The following CNTN3 variants were observed in gnomAD, a reference collection of about 807,000 sequenced individuals.
The protein encoded by CNTN3 is contactin-3.
CNTN3 carries 60 observed loss-of-function variants against 119.1 expected under a neutral mutation model. The ratio of observed to expected loss-of-function variants is 0.50; its 90% CI spans 0.41 to 0.62. CNTN3 has a LOEUF of 0.62. CNTN3 is among the 20% of genes least tolerant of loss of function. The pLI, the probability that CNTN3 is intolerant of heterozygous loss-of-function variation, is 0.00. For missense variants in CNTN3, 1,101 were observed against 1,242.4 expected, an observed-to-expected ratio of 0.89 and a Z score of 1.71; for synonymous variants, 450 against 438.7, an observed-to-expected ratio of 1.03 and a Z score of -0.32.
intron 10 of CNTN3, among the ~76,000 whole-genome samples, chr3:74,362,331 G>A (rs1008309676): frequency 3.3e-5 from 5 of 152,262 alleles, no homozygotes; most frequent in South Asian, 2.1e-4. Context: ...GGTATAGAAC[G>A]TTTTTAAATG....
intron 13 of CNTN3, among the ~76,000 whole-genome samples, chr3:74,331,012 A>C (rs936035877): frequency 1.3e-5 from 2 of 152,214 alleles, no homozygotes; most frequent in Non-Finnish European, 2.9e-5. Flanking sequence ...AGTTATGGTA[A>C]GCTACGGTTA....
intron 4 of CNTN3, among the ~76,000 whole-genome samples, chr3:74,436,309 G>T (rs140730778): frequency 7.2e-4 from 110 of 152,256 alleles, no homozygotes; most frequent in Admixed American, 2.6e-3. Flanking sequence ...AGGTCTGTCT[G>T]CTCAGTAAGG....
At chr3:74,458,382 G>T (rs1702306773) in intron 4 of CNTN3, among the ~76,000 whole-genome samples, 2 of 152,108 alleles carry the variant, frequency 1.3e-5, no homozygotes, top group African/African-American at 4.8e-5. Flanking sequence ...GCTAAAAATG[G>T]CTTGTATATT....
chr3:74,422,365 T>A (rs1382672407), intron 5 of CNTN3, among the ~76,000 whole-genome samples: 1 of 152,212 alleles, frequency 6.6e-6, no homozygotes, highest in Non-Finnish European at 1.5e-5. Flanking sequence ...GGAAGATTTC[T>A]TCCCGTCTTC....
chr3:74,515,953 A>C (rs1204853637), intron 2 of CNTN3, among the ~76,000 whole-genome samples: 1 of 151,890 alleles, frequency 6.6e-6, no homozygotes, highest in Non-Finnish European at 1.5e-5. Flanking sequence ...GTGCACACAC[A>C]CATCTATCTC....
chr3:74,487,669 G>A (rs1480195732), intron 3 of CNTN3, among the ~76,000 whole-genome samples: 4 of 151,920 alleles, frequency 2.6e-5, no homozygotes, highest in African/African-American at 9.7e-5. Flanking sequence ...TGATGTTATG[G>A]GCCATCTAAA....
intron 2 of CNTN3, among the ~76,000 whole-genome samples, chr3:74,516,605 G>A (rs1293594186): frequency 1.3e-5 from 2 of 150,534 alleles, no homozygotes; most frequent in Non-Finnish European, 2.9e-5. Context: ...AGTTTTGGGG[G>A]AGTTAAAAGT....
chr3:74,405,356 G>T (rs1559585390), intron 5 of CNTN3, among the ~76,000 whole-genome samples: 1 of 151,780 alleles, frequency 6.6e-6, no homozygotes, highest in Non-Finnish European at 1.5e-5. Context: ...CACATACATG[G>T]ATCAATTTTT....
intron 11 of CNTN3, among the ~76,000 whole-genome samples, chr3:74,360,112 G>A (rs1460531712): frequency 1.3e-5 from 2 of 152,142 alleles, no homozygotes; most frequent in South Asian, 2.1e-4. Flanking sequence ...AAATACTGGA[G>A]GAACTGCAGA....
intron 13 of CNTN3, among the ~76,000 whole-genome samples, chr3:74,314,317 C>A (rs934408467): frequency 3.3e-5 from 5 of 152,130 alleles, no homozygotes; most frequent in African/African-American, 9.7e-5. Context: ...ATCTCAATTA[C>A]TACTTGAATA....
chr3:74,281,450 T>C (rs2106773909), intron 20 of CNTN3, among the ~76,000 whole-genome samples: 1 of 152,220 alleles, frequency 6.6e-6, no homozygotes, highest in Admixed American at 6.5e-5. Context: ...TCCTCCCACC[T>C]CAGCCTCCTG....
intron 1 of CNTN3, among the ~76,000 whole-genome samples, chr3:74,525,445 C>G (rs1213839441): frequency 6.6e-6 from 1 of 151,682 alleles, no homozygotes; most frequent in Non-Finnish European, 1.5e-5. Context: ...TCAGCATTGC[C>G]ATGTATCATC....
At chr3:74,535,547 C>A (rs1002644767) in intron 1 of CNTN3, among the ~76,000 whole-genome samples, 1 of 152,016 alleles carries the variant, frequency 6.6e-6, no homozygotes, top group African/African-American at 2.4e-5. Flanking sequence ...GTCTGATAGG[C>A]CAGATACAAA....
Position 74,486,441 on chromosome 3 carries a change from T to C in CNTN3, c.358+15A>G. The C allele has an allele frequency of 2.5e-6, 4 of 1,575,398 alleles. No individual in the cohort carries two copies. Among genetic ancestry groups the C allele is most frequent in the Non-Finnish European group, 3.4e-6 (4 of 1,169,104 alleles). On this transcript the variant is annotated intron_variant, in intron 4 of 22. Coordinates refer to ENST00000263665, the MANE Select transcript of CNTN3 (RefSeq NM_020872.3). ...TCTAATGTTGGATTTGCTAGACATG[T>C]GAACATAAACTTACAGGCAAACTGA...
intron 4 of CNTN3, among the ~76,000 whole-genome samples, chr3:74,453,538 T>A (rs1327733823): frequency 1.3e-5 from 2 of 152,130 alleles, no homozygotes; most frequent in Non-Finnish European, 2.9e-5. Context: ...TCATCTTAGT[T>A]ATTTCTTGCC....
chr3:74,334,015 G>A (rs1325958490), intron 13 of CNTN3, among the ~76,000 whole-genome samples: 3 of 152,286 alleles, frequency 2.0e-5, no homozygotes, highest in East Asian at 3.9e-4. Context: ...AACATGCTGT[G>A]AGGCTTACCA....
At chr3:74,433,211 C>T (rs867500358) in intron 4 of CNTN3, among the ~76,000 whole-genome samples, 1 of 152,038 alleles carries the variant, frequency 6.6e-6, no homozygotes, top group African/African-American at 2.4e-5. Context: ...GGCTCCCAAC[C>T]CCAATAGTGG....
intron 1 of CNTN3, among the ~76,000 whole-genome samples, chr3:74,586,759 A>G (rs964051347): frequency 1.3e-5 from 2 of 152,116 alleles, no homozygotes; most frequent in African/African-American, 4.8e-5. Context: ...TTATCTACTA[A>G]TAACATAATA....
intron 4 of CNTN3, among the ~76,000 whole-genome samples, chr3:74,450,123 C>T (rs1460907641): frequency 6.6e-6 from 1 of 151,984 alleles, no homozygotes; most frequent in African/African-American, 2.4e-5. Flanking sequence ...TTATAAAACA[C>T]AGTAGGCTTT....
Sources: allele counts gnomAD v4.1 joint callset (sites outside exome capture counted in the v4.1 genomes callset), GRCh38; gene constraint gnomAD v4.1.1; transcripts MANE v1.5; gene names NCBI Gene and HGNC (gene_info 2026-07-23, HGNC 2026-07-21).